The following CMSS1 variants were observed in gnomAD, a reference collection of about 807,000 sequenced individuals.
The protein encoded by CMSS1 is protein CMSS1.
Under a neutral mutation model 43.5 loss-of-function variants are expected in CMSS1, and 33 were observed. The ratio of observed to expected loss-of-function variants is 0.76; its 90% confidence interval spans 0.57 to 1.01. The LOEUF (loss-of-function observed/expected upper bound fraction) is 1.01. Ranked by LOEUF, CMSS1 falls within the 50% of genes least tolerant of loss-of-function variation. CMSS1 has a pLI of 0.00. For missense variants in CMSS1, 313 were observed against 326.4 expected, an observed-to-expected ratio of 0.96 and a Z score of 0.32; for synonymous variants, 115 against 117.2, an observed-to-expected ratio of 0.98 and a Z score of 0.12.
At chr3:100,031,592 G>C (rs1163946375) in intron 1 of CMSS1, among the ~76,000 whole-genome samples, 1 of 152,084 alleles carries the variant, frequency 6.6e-6, no homozygotes, top group Admixed American at 6.6e-5. Context: ...CAAGACCTGA[G>C]ACCCGCATCC....
intron 1 of CMSS1, among the ~76,000 whole-genome samples, chr3:99,926,407 T>A (rs1251010082): frequency 1.3e-5 from 2 of 152,230 alleles, no homozygotes; most frequent in African/African-American, 4.8e-5. Flanking sequence ...CTAGTGTTGA[T>A]TGTCATGGAA....
At chr3:99,912,601 C>T (rs1256737472) in intron 1 of CMSS1, among the ~76,000 whole-genome samples, 1 of 152,142 alleles carries the variant, frequency 6.6e-6, no homozygotes, top group Non-Finnish European at 1.5e-5. Flanking sequence ...TGGTCTCAAA[C>T]TCCTGGGCTC....
At chr3:100,143,691 C>T (rs2066823032) in intron 1 of CMSS1, among the ~76,000 whole-genome samples, 1 of 152,100 alleles carries the variant, frequency 6.6e-6, no homozygotes, top group Non-Finnish European at 1.5e-5. Flanking sequence ...CATTTTATTT[C>T]TACTAGTTTT....
chr3:99,932,768 G>A (rs919679737), intron 1 of CMSS1, among the ~76,000 whole-genome samples: 2 of 152,156 alleles, frequency 1.3e-5, no homozygotes, highest in African/African-American at 4.8e-5. Context: ...GCACACACCT[G>A]TAATCCCAGC....
intron 4 of CMSS1, among the ~76,000 whole-genome samples, chr3:100,163,454 A>G (rs1221091707): frequency 1.3e-5 from 2 of 152,246 alleles, no homozygotes; most frequent in East Asian, 1.9e-4. Context: ...TAGGCCTACT[A>G]GAATTTTAGA....
intron 1 of CMSS1, among the ~76,000 whole-genome samples, chr3:99,956,867 C>A (rs1297555600): frequency 6.6e-6 from 1 of 152,190 alleles, no homozygotes; most frequent in African/African-American, 2.4e-5. Context: ...TCATTGTACT[C>A]ATCTCCTAAT....
chr3:99,980,614 A>T (rs1709093493), intron 1 of CMSS1, among the ~76,000 whole-genome samples: 1 of 152,186 alleles, frequency 6.6e-6, no homozygotes, highest in Non-Finnish European at 1.5e-5. Flanking sequence ...CAGTTTTTAG[A>T]TTTCAGAATT....
chr3:100,008,539 T>A (rs1710053641), intron 1 of CMSS1, among the ~76,000 whole-genome samples: 1 of 152,130 alleles, frequency 6.6e-6, no homozygotes, highest in African/African-American at 2.4e-5. Flanking sequence ...AAGATGGAAA[T>A]CTACTCTAGC....
chr3:99,967,514 G>A (rs904435981), intron 1 of CMSS1, among the ~76,000 whole-genome samples: 4 of 152,144 alleles, frequency 2.6e-5, no homozygotes, highest in Non-Finnish European at 4.4e-5. Context: ...GTTCCACTAA[G>A]AGTCCCCTCC....
At chr3:99,982,600 T>G (rs924278897) in intron 1 of CMSS1, among the ~76,000 whole-genome samples, 6 of 152,156 alleles carry the variant, frequency 3.9e-5, no homozygotes, top group African/African-American at 1.4e-4. Context: ...TACCTCAGCG[T>G]CCCAAAGTGC....
chr3:99,818,129 G>A, intron 1 of CMSS1, 86 bp downstream of exon 1: 3 of 1,346,344 alleles, frequency 2.2e-6, no homozygotes, highest in Non-Finnish European at 3.1e-6. Context: ...GGCGATCGCG[G>A]TGTTTGCCCA....
chr3:99,830,646 G>A, intron 1 of CMSS1: 1 of 453,468 alleles, frequency 2.2e-6, no homozygotes, highest in South Asian at 1.6e-5. Flanking sequence ...TAATGGTACA[G>A]TTGGTGGAGA....
intron 1 of CMSS1, among the ~76,000 whole-genome samples, chr3:100,093,497 G>C (rs1436352009): frequency 1.3e-5 from 2 of 151,974 alleles, no homozygotes; most frequent in East Asian, 3.9e-4. Flanking sequence ...TTTTTACTTT[G>C]AGATAATTGT....
intron 1 of CMSS1, among the ~76,000 whole-genome samples, chr3:100,062,232 T>C (rs900897049): frequency 3.5e-4 from 52 of 149,242 alleles, no homozygotes; most frequent in Non-Finnish European, 6.8e-4. Context: ...CTGCCTCAGC[T>C]GCCCGAGTAG....
chr3:100,040,535 G>T (rs2065187288), intron 1 of CMSS1: 1 of 152,134 alleles, frequency 6.6e-6, no homozygotes, highest in African/African-American at 2.4e-5. Flanking sequence ...AGACTTCTCT[G>T]CATCTGCTTT....
chr3:99,936,189 C>G (rs1396016907), intron 1 of CMSS1, among the ~76,000 whole-genome samples: 2 of 151,798 alleles, frequency 1.3e-5, no homozygotes, highest in Non-Finnish European at 2.9e-5. Flanking sequence ...CATTTTTGGT[C>G]TTGGTCATTT....
intron 1 of CMSS1, among the ~76,000 whole-genome samples, chr3:99,928,480 T>C (rs1707367407): frequency 6.6e-6 from 1 of 152,188 alleles, no homozygotes; most frequent in Non-Finnish European, 1.5e-5. Context: ...GCTGGACTTG[T>C]AAAGTAGGGC....
chr3:99,923,828 C>T (rs754830908), intron 1 of CMSS1, among the ~76,000 whole-genome samples: 30 of 152,348 alleles, frequency 2.0e-4, no homozygotes, highest in Non-Finnish European at 2.2e-4. Flanking sequence ...TACAATCATG[C>T]CCTATGCTGT....
At chr3:99,958,337 C>G (rs1708398190) in intron 1 of CMSS1, among the ~76,000 whole-genome samples, 1 of 151,546 alleles carries the variant, frequency 6.6e-6, no homozygotes, top group South Asian at 2.1e-4. Context: ...CTATTTTTAA[C>G]TGCCACGGCT....
Sources: gnomAD v4.1 joint callset for allele counts (sites outside exome capture counted in the v4.1 genomes callset) on GRCh38, gnomAD v4.1.1 for gene constraint, MANE v1.5 for transcripts, NCBI Gene and HGNC (gene_info 2026-07-23, HGNC 2026-07-21) for gene names.